Variants in TPCN1 observed in about 807,000 individuals in gnomAD.
The protein encoded by TPCN1 is two pore channel protein 1.
TPCN1 carries 52 observed loss-of-function variants against 108.8 expected under a neutral mutation model. The observed-to-expected ratio is 0.48, with a 90% CI of 0.38 to 0.60. The LOEUF (loss-of-function observed/expected upper bound fraction) is 0.60, where lower values mean the gene tolerates loss of function less well. TPCN1 is among the 20% of genes least tolerant of loss of function. TPCN1 has a pLI of 0.00. For synonymous variants in TPCN1, 446 were observed against 433.7 expected (o/e 1.03, Z -0.35); for missense variants, 806 against 1,072.8 (o/e 0.75, Z 3.47).
At chr12:113,271,547 G>A (rs530167549) in intron 7 of TPCN1, among the ~76,000 whole-genome samples, 15 of 152,270 alleles carry the variant, frequency 9.9e-5, no homozygotes, top group African/African-American at 2.9e-4. Flanking sequence ...ATGGGTGTCC[G>A]CTTCTACACA....
At chr12:113,242,622 G>A (rs981528610) in intron 2 of TPCN1, among the ~76,000 whole-genome samples, 16 of 152,190 alleles carry the variant, frequency 1.1e-4, no homozygotes, top group African/African-American at 3.6e-4. Flanking sequence ...TGCCCACTGC[G>A]TCATCCTGGT....
intron 1 of TPCN1, among the ~76,000 whole-genome samples, chr12:113,225,051 T>C (rs970994138): frequency 2.0e-5 from 3 of 152,024 alleles, no homozygotes; most frequent in African/African-American, 7.3e-5. Flanking sequence ...GTGCCCAGCC[T>C]TTTATTTTAC....
intron 2 of TPCN1, chr12:113,244,605 T>G (rs958246672): frequency 9.5e-5 from 94 of 985,442 alleles, no homozygotes; most frequent in Non-Finnish European, 1.1e-4. Flanking sequence ...AACTCATCAG[T>G]GTCACTCTGG....
chr12:113,248,271 C>CA (rs1211941873), intron 2 of TPCN1, among the ~76,000 whole-genome samples: 2 of 152,242 alleles, frequency 1.3e-5, no homozygotes, highest in Non-Finnish European at 2.9e-5. Context: ...TCAGGGCTAG[C>CA]AAGACCTTCT....
At chr12:113,287,262 G>T in intron 19 of TPCN1, 168 bp downstream of exon 19, 1 of 615,704 alleles carries the variant, frequency 1.6e-6, no homozygotes, top group Non-Finnish European at 2.9e-6. Context: ...ACCCCTGAGG[G>T]TGTGCAGGCT....
At chr12:113,251,108 C>T (rs1334329579) in intron 2 of TPCN1, among the ~76,000 whole-genome samples, 1 of 151,880 alleles carries the variant, frequency 6.6e-6, no homozygotes, top group Non-Finnish European at 1.5e-5. Context: ...TTTGAGACCA[C>T]CCTGATCAAC....
At chr12:113,280,458 C>T (rs886137970) in intron 15 of TPCN1, 3 of 399,216 alleles carry the variant, frequency 7.5e-6, no homozygotes, top group African/African-American at 6.1e-5. Context: ...GTTGACTGGT[C>T]GATATGTCTC....
chr12:113,290,918 C>T, intron 22 of TPCN1, 34 bp from the exon 23 acceptor site: 1 of 1,611,024 alleles, frequency 6.2e-7, no homozygotes, highest in Non-Finnish European at 8.5e-7. Flanking sequence ...AGTGGGGTCT[C>T]ATCAGGATGC....
chr12:113,286,997 T>A lies in TPCN1; in HGVS notation c.1537T>A (p.Ser513Thr), dbSNP rs1339197863. The A allele has an allele frequency of 1.2e-6, 2 of 1,613,630 alleles. No homozygotes were observed. The highest frequency in any genetic ancestry group is 3.3e-5 in the Admixed American group (2 of 60,008). The change falls in exon 19 of 28, where the codon TCC becomes ACC. Residue 513 changes from serine to threonine, a missense_variant. Coordinates refer to ENST00000335509, the MANE Select transcript of TPCN1 (RefSeq NM_017901.6). ...TCTCCCCTACTGCAGGTTTGACTTC[T>A]CCGTGACAGTGTTCGCCTTCCTGGG... is the stretch of plus-strand genomic sequence containing the variant. The part of the protein sequence containing the change: ...LSSGWNLFDF[S>T]VTVFAFLGLL...
At chr12:113,227,864 C>A (rs1953531593) in intron 2 of TPCN1, among the ~76,000 whole-genome samples, 1 of 152,184 alleles carries the variant, frequency 6.6e-6, no homozygotes, top group South Asian at 2.1e-4. Flanking sequence ...GGTGGCCTCC[C>A]CTGGGAACTG....
chr12:113,286,745 G>A (rs1566198626), intron 18 of TPCN1, among the ~76,000 whole-genome samples: 6 of 152,238 alleles, frequency 3.9e-5, no homozygotes, highest in Admixed American at 2.6e-4. Flanking sequence ...AGGGGTTCCC[G>A]GGCATTTCTG....
rs889883633 is a variant in TPCN1 at position 113,231,215 on chromosome 12, A to G, written c.112+4251A>G. On this transcript the variant is annotated intron_variant, in intron 2 of 27. Coordinates refer to ENST00000335509, the MANE Select transcript of TPCN1 (RefSeq NM_017901.6). This position sits in a 1 kb window ranked among gnomAD's most constrained non-coding sequence, Gnocchi z 4.3. The stretch of plus-strand genomic sequence containing the variant: ...CCATGTCTGGTTGGGCACCCCTAAC[A>G]AAACACCATGGACTGGTGGCTTAAA... 1.3e-5 allele frequency among the ~76,000 whole-genome samples: 2 copies of G among 152,232 alleles called. No homozygotes were observed. Among genetic ancestry groups the G allele is most frequent in the East Asian group, 3.8e-4 (2 of 5,198 alleles).
chr12:113,295,900 G>A (rs1293322607), intron 27 of TPCN1, 60 bp from the exon 28 acceptor site: 29 of 1,497,786 alleles, frequency 1.9e-5, no homozygotes, highest in Admixed American at 2.0e-5. Context: ...TGACCTTGTG[G>A]GGTGGGCGGG....
At chr12:113,238,843 G>A (rs927882051) in intron 2 of TPCN1, among the ~76,000 whole-genome samples, 3 of 152,064 alleles carry the variant, frequency 2.0e-5, no homozygotes, top group Non-Finnish European at 4.4e-5. Context: ...TTTAAAATAC[G>A]GGTGGGAGCC....
intron 2 of TPCN1, among the ~76,000 whole-genome samples, chr12:113,251,460 A>G (rs558727552): frequency 9.7e-4 from 147 of 152,326 alleles, no homozygotes; most frequent in African/African-American, 3.4e-3. Context: ...CACCCTGTGA[A>G]GTCCATTCCC....
At chr12:113,224,795 A>G (rs1308319596) in intron 1 of TPCN1, among the ~76,000 whole-genome samples, 2 of 152,048 alleles carry the variant, frequency 1.3e-5, no homozygotes, top group African/African-American at 2.4e-5. Context: ...TCTGTCGCCC[A>G]GGCTGCAGTG....
Position 113,288,462 on chromosome 12 carries a change from CA to C in TPCN1, c.1706+230del. 2 of 1,496,182 alleles carry C rather than the reference CA, an allele frequency of 1.3e-6. No individual in the cohort carries two copies. Among genetic ancestry groups the C allele is most frequent in the Non-Finnish European group, 1.8e-6 (2 of 1,124,336 alleles). 92.7% of individuals were successfully genotyped at this position (1,496,182 alleles called of 1,614,324 possible). ...TTTAGTAGGGAGGGCAGGGAGCTGT[CA>C]ACTCGCTTACCACCTGTGTCTACAT... On this transcript the variant is annotated intron_variant, in intron 20 of 27. Coordinates refer to ENST00000335509, the MANE Select transcript of TPCN1 (RefSeq NM_017901.6). This position sits in a 1 kb window ranked among gnomAD's most constrained non-coding sequence, Gnocchi z 4.8.
rs1355068588 is a variant in TPCN1 at position 113,297,474 on chromosome 12, CCCAGCCACAGAACGGGCAGGGTGG to C, written c.*1400_*1423del. 4 of 152,772 alleles carry C rather than the reference CCCAGCCACAGAACGGGCAGGGTGG, an allele frequency of 2.6e-5. No individual in the cohort carries two copies. The highest frequency in any genetic ancestry group is 4.4e-5 in the Non-Finnish European group (3 of 68,122). The allele number at this position is 152,772 out of a possible 1,614,324, so 9.5% of individuals were successfully genotyped here. A position where few individuals can be genotyped will look rare whatever the true frequency, so the allele number is the denominator to read the frequency against. ...AGCCTCCCTCTGGCCTTGTCCTCTTCCCAGCCACAGAACGGGCAGGGTGGCACCCGACCCCAGGGGAGCAGTACC... is the reference window on the plus strand; with the variant it reads ...AGCCTCCCTCTGGCCTTGTCCTCTTCCACCCGACCCCAGGGGAGCAGTACC... On this transcript the variant is annotated 3_prime_UTR_variant, in exon 28 of 28. Coordinates refer to ENST00000335509, the MANE Select transcript of TPCN1 (RefSeq NM_017901.6). This position sits in a 1 kb window ranked among gnomAD's most constrained non-coding sequence, Gnocchi z 4.4.
chr12:113,283,663 AC>A (rs1013166288), intron 15 of TPCN1, among the ~76,000 whole-genome samples: 3 of 151,510 alleles, frequency 2.0e-5, no homozygotes, highest in Admixed American at 2.0e-4. Context: ...GTAGAAATGT[AC>A]CTCATTTCTT....
Sources: allele counts gnomAD v4.1 joint callset (sites outside exome capture counted in the v4.1 genomes callset), GRCh38; gene constraint gnomAD v4.1.1; non-coding constraint Gnocchi (gnomAD v3.1); transcripts MANE v1.5; gene names NCBI Gene and HGNC (gene_info 2026-07-23, HGNC 2026-07-21).